The following SORCS3 variants were observed in gnomAD, a reference collection of about 807,000 sequenced individuals.
SORCS3 encodes the protein sortilin related VPS10 domain containing receptor 3.
A neutral mutation model predicts 146.3 loss-of-function variants in SORCS3; 57 were observed. The observed-to-expected ratio is 0.39, with a 90% CI of 0.31 to 0.49. The LOEUF is 0.49. Ranked by LOEUF, SORCS3 falls within the 20% of genes least tolerant of loss-of-function variation. The probability of loss-of-function intolerance (pLI) is 0.92; values close to 1 mark genes in which losing one functional copy is unlikely to be tolerated. For synonymous variants in SORCS3, 653 were observed against 618.5 expected (o/e 1.06, Z -0.83); for missense variants, 1,341 against 1,575.5 (o/e 0.85, Z 2.52).
At chr10:104,758,975 C>T (rs532119826) in intron 1 of SORCS3, among the ~76,000 whole-genome samples, 1 of 152,250 alleles carries the variant, frequency 6.6e-6, no homozygotes, top group African/African-American at 2.4e-5. Context: ...TGTTGAAATC[C>T]TAATCCCTGG....
rs531592935 is a variant in SORCS3, at chr10:104,816,838, C to T, written c.628-25954C>T. Among the ~76,000 whole-genome samples, 5 of 152,328 alleles carry T rather than the reference C, an allele frequency of 3.3e-5. No homozygotes were observed. In the South Asian group the frequency reaches 1.0e-3, roughly 32 times the overall value. Reference sequence around the variant, plus strand: ...TCATTTGGAACATAAGTTGGTGCTGCTTAGAGTGGTCTCTCCTTACTTTCA... The same window carrying T: ...TCATTTGGAACATAAGTTGGTGCTGTTTAGAGTGGTCTCTCCTTACTTTCA... On this transcript the variant is annotated intron_variant, in intron 1 of 26. Coordinates refer to ENST00000369701, the MANE Select transcript of SORCS3 (RefSeq NM_014978.3).
chr10:104,849,247 C>T (rs1350650596), intron 2 of SORCS3, among the ~76,000 whole-genome samples: 1 of 151,736 alleles, frequency 6.6e-6, no homozygotes, highest in Non-Finnish European at 1.5e-5. Flanking sequence ...CGTGTCTCTA[C>T]TAAAAAATAC....
chr10:105,242,358 TTATATATATTTA>T (rs2056829902), intron 20 of SORCS3, among the ~76,000 whole-genome samples: 1 of 120,858 alleles, frequency 8.3e-6, no homozygotes, highest in Non-Finnish European at 1.6e-5. Context: ...ATACATATAT[TTATATATATTTA>T]TACATATATT....
At chr10:105,153,741 C>G (rs1160257992) in intron 9 of SORCS3, among the ~76,000 whole-genome samples, 2 of 151,684 alleles carry the variant, frequency 1.3e-5, no homozygotes, top group Admixed American at 1.3e-4. Context: ...TCTTCAGTGA[C>G]TAAATAACTG....
chr10:104,703,742 GA>G (rs796393194), intron 1 of SORCS3, among the ~76,000 whole-genome samples: 95 of 126,814 alleles, frequency 7.5e-4, no homozygotes, highest in African/African-American at 2.2e-3. Context: ...AAGAAATGAA[GA>G]AAAAAAAAAG....
At position 104,991,539 on chromosome 10, in the gene SORCS3, T is replaced by C. The variant is rs2054994436; in HGVS notation, c.954+14046T>C. On this transcript the variant is annotated intron_variant, in intron 4 of 26. Transcript: ENST00000369701. Reference sequence around the variant, plus strand: ...TTTTTTGAGACAGAGTCTTGCTCTGTTGCCCAGGCTGGAGTGCAGTGGTGC... The same window carrying C: ...TTTTTTGAGACAGAGTCTTGCTCTGCTGCCCAGGCTGGAGTGCAGTGGTGC... Among the ~76,000 whole-genome samples, 5 of 151,294 alleles carry C rather than the reference T, an allele frequency of 3.3e-5. 1 individual carries two copies. The highest frequency in any genetic ancestry group is 3.3e-4 in the Admixed American group (5 of 15,200).
chr10:105,242,344 A>C lies in SORCS3; in HGVS notation c.2869-3198A>C, dbSNP rs1225880680. 8.6e-5 allele frequency among the ~76,000 whole-genome samples: 11 copies of C among 127,266 alleles called. No individual in the cohort carries two copies. In the South Asian group the frequency reaches 2.5e-3, roughly 29 times the overall value. The allele number at this position is 127,266 out of a possible 152,430, so 83.5% of individuals were successfully genotyped here. ...TATTTATACATATATTTATATATAT[A>C]TTTATACATATATTTATATATATTT... On this transcript the variant is annotated intron_variant, in intron 20 of 26. Transcript: ENST00000369701.
chr10:105,038,457 GA>G (rs902748642), intron 4 of SORCS3, among the ~76,000 whole-genome samples: 25 of 152,014 alleles, frequency 1.6e-4, no homozygotes, highest in Non-Finnish European at 2.8e-4. Context: ...GTTTCCTCAT[GA>G]AAAAAATAGA....
chr10:105,247,378 A>T, intron 22 of SORCS3, 47 bp downstream of exon 22: 2 of 1,067,674 alleles, frequency 1.9e-6, no homozygotes, highest in African/African-American at 1.6e-5. Context: ...TAAAGAAAAG[A>T]ACTAGATGGT....
chr10:104,966,971 T>C (rs921591161), intron 3 of SORCS3, among the ~76,000 whole-genome samples: 12 of 151,910 alleles, frequency 7.9e-5, no homozygotes, highest in Admixed American at 5.9e-4. Context: ...TTTTTTTTTT[T>C]CAAAAGATAC....
intron 3 of SORCS3, among the ~76,000 whole-genome samples, chr10:104,938,315 A>C (rs925467250): frequency 3.9e-5 from 6 of 152,064 alleles, no homozygotes; most frequent in African/African-American, 7.2e-5. Flanking sequence ...TATGTGACAG[A>C]ATTTGTTTTT....
At chr10:105,248,733 A>T (rs1295278720) in intron 22 of SORCS3, among the ~76,000 whole-genome samples, 3 of 139,106 alleles carry the variant, frequency 2.2e-5, no homozygotes. Context: ...AAAAAAAAAG[A>T]GTACAACATA....
intron 25 of SORCS3, among the ~76,000 whole-genome samples, chr10:105,259,010 C>T (rs536983285): frequency 2.6e-5 from 4 of 152,286 alleles, no homozygotes; most frequent in African/African-American, 9.6e-5. Context: ...TTTCCCCACT[C>T]ATCACATGGA....
At chr10:105,239,375 A>C (rs534183895) in intron 20 of SORCS3, among the ~76,000 whole-genome samples, 1 of 152,346 alleles carries the variant, frequency 6.6e-6, no homozygotes, top group South Asian at 2.1e-4. Flanking sequence ...TAAGTTGCAG[A>C]GATTTTAAAG....
At chr10:104,870,198 G>A (rs2018504581) in intron 2 of SORCS3, among the ~76,000 whole-genome samples, 2 of 152,150 alleles carry the variant, frequency 1.3e-5, no homozygotes, top group African/African-American at 4.8e-5. Context: ...GTAAATAAAA[G>A]CACACATTTA....
intron 9 of SORCS3, among the ~76,000 whole-genome samples, chr10:105,155,978 G>A (rs183805218): frequency 1.3e-4 from 20 of 152,150 alleles, no homozygotes; most frequent in African/African-American, 4.1e-4. Flanking sequence ...TTTTTATTTC[G>A]TCAATTAAAT....
chr10:105,054,578 T>C (rs145969672), intron 5 of SORCS3, among the ~76,000 whole-genome samples: 167 of 152,148 alleles, frequency 1.1e-3, no homozygotes, highest in African/African-American at 3.9e-3. Context: ...TTCTTTTTTT[T>C]TTTTAAGTAA....
At chr10:105,018,797 C>T (rs988417825) in intron 4 of SORCS3, among the ~76,000 whole-genome samples, 1 of 149,936 alleles carries the variant, frequency 6.7e-6, no homozygotes, top group Non-Finnish European at 1.5e-5. Context: ...AAGTGAATCT[C>T]TCTCTCACTT....
At chr10:104,814,833 A>G (rs772605679) in intron 1 of SORCS3, among the ~76,000 whole-genome samples, 1 of 152,224 alleles carries the variant, frequency 6.6e-6, no homozygotes, top group Non-Finnish European at 1.5e-5. Context: ...ACAGCAAGCT[A>G]ATTATTTGTA....
Sources: gnomAD v4.1 joint callset for allele counts (sites outside exome capture counted in the v4.1 genomes callset) on GRCh38, gnomAD v4.1.1 for gene constraint, MANE v1.5 for transcripts, NCBI Gene and HGNC (gene_info 2026-07-23, HGNC 2026-07-21) for gene names.